The following CAST variants were observed in gnomAD, a reference collection of about 807,000 sequenced individuals.
The protein encoded by CAST is MIR583 host.
Under a neutral mutation model 119.6 loss-of-function variants are expected in CAST, and 76 were observed. The ratio of observed to expected loss-of-function variants is 0.64; its 90% CI spans 0.53 to 0.77. The LOEUF is 0.77. Ranked by LOEUF, CAST falls within the 30% of genes least tolerant of loss-of-function variation. The probability of loss-of-function intolerance (pLI) is 0.00; values close to 1 mark genes in which losing one functional copy is unlikely to be tolerated. For synonymous variants in CAST, 319 were observed against 331.6 expected, an observed-to-expected ratio of 0.96 and a Z score of 0.41; for missense variants, 953 against 946.5, an observed-to-expected ratio of 1.01 and a Z score of -0.09.
chr5:95,993,926 A>T, the CAST span, among the ~76,000 whole-genome samples: 2 of 152,164 alleles, frequency 1.3e-5, no homozygotes, highest in East Asian at 1.9e-4. Flanking sequence ...ATTAATTTAA[A>T]TTAAATTAAT....
the CAST span, among the ~76,000 whole-genome samples, chr5:96,419,639 C>G: frequency 6.6e-6 from 1 of 151,846 alleles, no homozygotes; most frequent in African/African-American, 2.4e-5. Flanking sequence ...ATGACATGCT[C>G]TCTCAATGCT....
chr5:96,535,808 C>T (rs540796403), intron 1 of CAST, among the ~76,000 whole-genome samples: 23 of 150,578 alleles, frequency 1.5e-4, no homozygotes, highest in East Asian at 1.2e-3. Flanking sequence ...CTCCTGACCT[C>T]GTGATCCTCC....
At chr5:96,744,231 G>C (rs1478918498) in intron 16 of CAST, among the ~76,000 whole-genome samples, 1 of 152,150 alleles carries the variant, frequency 6.6e-6, no homozygotes, top group Non-Finnish European at 1.5e-5. Context: ...AGTTGTATTA[G>C]TCTGTTCTCA....
At chr5:96,663,286 G>C in intron 1 of CAST, 1 of 697,412 alleles carries the variant, frequency 1.4e-6, no homozygotes, top group African/African-American at 1.7e-5. Context: ...GCGGGGAAGG[G>C]GTGCGGACCG....
intron 1 of CAST, among the ~76,000 whole-genome samples, chr5:96,544,917 A>G (rs759758464): frequency 2.9e-4 from 44 of 152,226 alleles, no homozygotes; most frequent in Non-Finnish European, 4.7e-4. Flanking sequence ...ATGAAGAGAG[A>G]TATATTGTAA....
At chr5:96,732,138 A>G (rs1376457855) in intron 9 of CAST, among the ~76,000 whole-genome samples, 6 of 136,702 alleles carry the variant, frequency 4.4e-5, no homozygotes, top group Admixed American at 3.7e-4. Context: ...AAGTGTTCCT[A>G]TTTCTCCACA....
At chr5:96,616,972 C>T (rs543857538) in intron 1 of CAST, among the ~76,000 whole-genome samples, 3 of 152,224 alleles carry the variant, frequency 2.0e-5, no homozygotes, top group African/African-American at 7.2e-5. Context: ...TTCAGCCGCA[C>T]TTCCCTGTTG....
the CAST span, among the ~76,000 whole-genome samples, chr5:96,193,482 A>G: frequency 6.6e-6 from 1 of 152,218 alleles, no homozygotes; most frequent in Non-Finnish European, 1.5e-5. Flanking sequence ...TTTGAATGGC[A>G]GCATTGATGT....
the CAST span, among the ~76,000 whole-genome samples, chr5:96,300,737 T>G: frequency 1.3e-5 from 2 of 152,114 alleles, no homozygotes; most frequent in African/African-American, 4.8e-5. Context: ...ACGTGGGATA[T>G]CTTTCTATTT....
At chr5:96,475,177 C>T in the CAST span, among the ~76,000 whole-genome samples, 8 of 152,100 alleles carry the variant, frequency 5.3e-5, no homozygotes, top group Non-Finnish European at 1.0e-4. Flanking sequence ...GAGGTTCTGT[C>T]GGAGAGGCCC....
chr5:96,043,705 C>T, the CAST span, among the ~76,000 whole-genome samples: 1 of 152,106 alleles, frequency 6.6e-6, no homozygotes, highest in South Asian at 2.1e-4. Context: ...AGCAACTTCC[C>T]CACTGTCCCA....
the CAST span, chr5:96,412,366 C>T: frequency 1.7e-5 from 27 of 1,614,186 alleles, 1 homozygote; most frequent in African/African-American, 3.2e-4. Flanking sequence ...GGCCAGGCCC[C>T]TCCACAGTTT....
chr5:96,555,616 C>G (rs1204104782), intron 1 of CAST, among the ~76,000 whole-genome samples: 3 of 152,164 alleles, frequency 2.0e-5, no homozygotes, highest in Non-Finnish European at 2.9e-5. Context: ...GCCCATGGAG[C>G]CTAGCTCATT....
At chr5:96,665,173 G>A (rs1489054672) in intron 1 of CAST, among the ~76,000 whole-genome samples, 1 of 152,104 alleles carries the variant, frequency 6.6e-6, no homozygotes, top group Non-Finnish European at 1.5e-5. Context: ...CTTTAGCTTT[G>A]CCCAAACCAG....
intron 18 of CAST, 49 bp from the exon 19 acceptor site, chr5:96,748,469 A>C: frequency 1.1e-6 from 1 of 918,170 alleles, no homozygotes; most frequent in Non-Finnish European, 1.7e-6. Flanking sequence ...TTTTTTTTAC[A>C]AAATAAAAAA....
the CAST span, among the ~76,000 whole-genome samples, chr5:96,460,166 T>G: frequency 6.6e-6 from 1 of 152,118 alleles, no homozygotes; most frequent in Non-Finnish European, 1.5e-5. Flanking sequence ...TGGTTGGAGT[T>G]TCAATGTCCT....
chr5:96,632,929 G>C (rs1376266705), intron 1 of CAST, among the ~76,000 whole-genome samples: 1 of 152,064 alleles, frequency 6.6e-6, no homozygotes, highest in East Asian at 1.9e-4. Flanking sequence ...ATTTGATAGG[G>C]ATTGCATTTA....
the CAST span, among the ~76,000 whole-genome samples, chr5:96,494,029 G>A: frequency 4.6e-3 from 693 of 152,218 alleles, 15 homozygotes; most frequent in Admixed American, 0.032. Context: ...ACAAGACTCC[G>A]TCTCAAAATA....
At chr5:96,367,488 G>A in the CAST span, among the ~76,000 whole-genome samples, 1 of 151,136 alleles carries the variant, frequency 6.6e-6, no homozygotes, top group South Asian at 2.2e-4. Flanking sequence ...CGAGCTTCTG[G>A]GCTGCTTTGT....
Sources: gnomAD v4.1 joint callset for allele counts (sites outside exome capture counted in the v4.1 genomes callset) on GRCh38, gnomAD v4.1.1 for gene constraint, MANE v1.5 for transcripts, NCBI Gene and HGNC (gene_info 2026-07-23, HGNC 2026-07-21) for gene names.